The following FRAS1 variants were observed in gnomAD, a reference collection of about 807,000 sequenced individuals.
FRAS1 encodes the protein extracellular matrix organizing protein FRAS1.
Under a neutral mutation model 435.2 loss-of-function variants are expected in FRAS1, and 290 were observed. The observed-to-expected ratio is 0.67, with a 90% CI of 0.61 to 0.73. FRAS1 has a LOEUF of 0.73. Among genes scored for constraint, FRAS1 ranks in the 30% least tolerant of loss-of-function variants. The probability of loss-of-function intolerance (pLI) is 0.00; values close to 1 mark genes in which losing one functional copy is unlikely to be tolerated. For synonymous variants in FRAS1, 1,800 were observed against 1,851.0 expected (o/e 0.97, Z 0.71); for missense variants, 4,860 against 5,001.5 (o/e 0.97, Z 0.85).
chr4:78,252,282 C>A, intron 4 of FRAS1, 110 bp from the exon 5 acceptor site: 1 of 1,093,974 alleles, frequency 9.1e-7, no homozygotes, highest in Non-Finnish European at 1.3e-6. Flanking sequence ...TCCACCTTTC[C>A]CTGAGCTCCA....
chr4:78,381,367 G>A (rs1252019764), intron 27 of FRAS1, among the ~76,000 whole-genome samples: 1 of 152,144 alleles, frequency 6.6e-6, no homozygotes, highest in African/African-American at 2.4e-5. Context: ...ACAGTGGCAC[G>A]ATCTTGGCTC....
intron 72 of FRAS1, among the ~76,000 whole-genome samples, chr4:78,538,736 C>T (rs1464418759): frequency 2.0e-5 from 3 of 152,018 alleles, no homozygotes; most frequent in South Asian, 4.2e-4. Context: ...GGGCGGATCA[C>T]GAGGTCAGGA....
intron 2 of FRAS1, among the ~76,000 whole-genome samples, chr4:78,109,389 A>C (rs1742575036): frequency 6.8e-6 from 1 of 147,970 alleles, no homozygotes; most frequent in Admixed American, 6.8e-5. Flanking sequence ...CACATCAAAA[A>C]GCTTATCCAC....
rs1463116568 is a variant in FRAS1 at position 78,438,612 on chromosome 4, T to G, written c.5260T>G (p.Tyr1754Asp). 25 of 1,613,758 alleles carry G rather than the reference T, an allele frequency of 1.5e-5. No homozygotes were observed. The Admixed American group carries it at 4.2e-4, about 27-fold the overall frequency. ...CCCAGAGATCTGGATTCAGTTAAAT[T>G]ATCTGCCCTCATATGGTACTCTCTT... ...PDPEIWIQLN[Y>D]LPSYGTLLRI... The change falls in exon 39 of 74, where the codon TAT (tyrosine) becomes GAT (aspartate). Residue 1754 changes from tyrosine (Y) to aspartate (D), a missense_variant. Coordinates refer to ENST00000512123, the MANE Select transcript of FRAS1 (RefSeq NM_025074.7).
intron 10 of FRAS1, 96 bp downstream of exon 10, chr4:78,278,840 T>G: frequency 1.3e-6 from 1 of 766,406 alleles, no homozygotes; most frequent in Admixed American, 2.4e-5. Flanking sequence ...GCCCATTCAT[T>G]TGTTCAACAA....
chr4:78,528,497 T>C (rs1393762365), intron 70 of FRAS1, among the ~76,000 whole-genome samples: 1 of 152,184 alleles, frequency 6.6e-6, no homozygotes, highest in Non-Finnish European at 1.5e-5. Flanking sequence ...TTAGAGTGTT[T>C]TATAAATGAC....
At chr4:78,507,331 AC>A in intron 61 of FRAS1, 89 bp from the exon 62 acceptor site, 1 of 1,097,978 alleles carries the variant, frequency 9.1e-7, no homozygotes, top group Non-Finnish European at 1.3e-6. Context: ...ACATATTTTA[AC>A]ATAATGTCTC....
intron 14 of FRAS1, among the ~76,000 whole-genome samples, chr4:78,302,883 T>C (rs1648921501): frequency 6.6e-6 from 1 of 152,266 alleles, no homozygotes; most frequent in African/African-American, 2.4e-5. Flanking sequence ...TTGTCAACTT[T>C]GACTTTTGTT....
chr4:78,365,455 AGCAG>A (rs1360598468), intron 22 of FRAS1, among the ~76,000 whole-genome samples: 23 of 152,318 alleles, frequency 1.5e-4, no homozygotes, highest in African/African-American at 5.5e-4. Flanking sequence ...GGCTCTTCAC[AGCAG>A]TGGAATCACA....
At chr4:78,459,351 T>G (rs76887298) in intron 47 of FRAS1, among the ~76,000 whole-genome samples, 3,419 of 152,290 alleles carry the variant, frequency 0.022, 141 homozygotes, top group African/African-American at 0.077. Flanking sequence ...TAGACAGACA[T>G]GTGCACATGT....
chr4:78,387,747 A>C, intron 29 of FRAS1, 46 bp downstream of exon 29: 2 of 1,240,346 alleles, frequency 1.6e-6, no homozygotes, highest in Non-Finnish European at 2.2e-6. Flanking sequence ...CCTAGATGTG[A>C]ACTTCTACGG....
At chr4:78,467,827 A>T (rs1719582707) in intron 50 of FRAS1, among the ~76,000 whole-genome samples, 1 of 152,214 alleles carries the variant, frequency 6.6e-6, no homozygotes, top group African/African-American at 2.4e-5. Flanking sequence ...ATGATCAGTG[A>T]TATTGAGCGT....
intron 18 of FRAS1, among the ~76,000 whole-genome samples, chr4:78,323,665 C>G (rs1560655134): frequency 6.6e-6 from 1 of 152,112 alleles, no homozygotes; most frequent in South Asian, 2.1e-4. Flanking sequence ...CTGGCTCCTC[C>G]CGGAGTCACT....
intron 68 of FRAS1, among the ~76,000 whole-genome samples, chr4:78,521,994 ATTTG>A (rs1721400204): frequency 6.6e-6 from 1 of 152,068 alleles, no homozygotes; most frequent in South Asian, 2.1e-4. Context: ...TTATTTTTAT[ATTTG>A]TTTATTTTAT....
intron 65 of FRAS1, among the ~76,000 whole-genome samples, chr4:78,515,108 G>A (rs11730025): frequency 0.47 from 70,371 of 150,322 alleles, 16,655 homozygotes; most frequent in South Asian, 0.57. Flanking sequence ...CTAAAATTGT[G>A]TCTGTGTTCA....
chr4:78,303,904 T>G (rs375964250), intron 14 of FRAS1, among the ~76,000 whole-genome samples: 1 of 150,228 alleles, frequency 6.7e-6, no homozygotes, highest in East Asian at 1.9e-4. Context: ...TGAATAGGAG[T>G]GGTGAGAGAG....
chr4:78,424,157 C>T (rs551254998), intron 34 of FRAS1, among the ~76,000 whole-genome samples: 5 of 152,156 alleles, frequency 3.3e-5, no homozygotes, highest in Non-Finnish European at 5.9e-5. Context: ...CTAACTGCTG[C>T]GATATAAAAT....
chr4:78,540,457 A>G (rs569066675), intron 73 of FRAS1, 74 bp from the exon 74 acceptor site: 425 of 937,520 alleles, frequency 4.5e-4, no homozygotes, highest in Non-Finnish European at 6.2e-4. Context: ...ATATAGTGGC[A>G]ATTATCCTTC....
At chr4:78,460,874 G>T (rs78072723) in intron 47 of FRAS1, among the ~76,000 whole-genome samples, 2,093 of 152,254 alleles carry the variant, frequency 0.014, 24 homozygotes, top group Admixed American at 0.022. Context: ...ATTATGTGAC[G>T]CATGACTGTA....
Sources: gnomAD v4.1 joint callset for allele counts (sites outside exome capture counted in the v4.1 genomes callset) on GRCh38, gnomAD v4.1.1 for gene constraint, MANE v1.5 for transcripts, NCBI Gene and HGNC (gene_info 2026-07-23, HGNC 2026-07-21) for gene names.